CACUL1: variants seen among roughly 807,000 people sequenced by gnomAD.
The protein encoded by CACUL1 is CDK2 associated cullin domain 1, also known as CDK2-associated and cullin domain-containing protein 1.
In CACUL1, 13 loss-of-function variants were observed where a neutral mutation model predicts 45.2. That is an observed-to-expected ratio of 0.29 (90% CI 0.19 to 0.46). CACUL1 has a LOEUF of 0.46. CACUL1 is among the 20% of genes least tolerant of loss of function. The probability of loss-of-function intolerance (pLI) is 1.00; values close to 1 mark genes in which losing one functional copy is unlikely to be tolerated. For synonymous variants in CACUL1, 197 were observed against 174.2 expected (o/e 1.13, Z -1.03); for missense variants, 421 against 471.4 (o/e 0.89, Z 0.99).
intron 5 of CACUL1, among the ~76,000 whole-genome samples, chr10:118,698,654 C>A (rs117045692): frequency 0.018 from 2,790 of 152,272 alleles, 35 homozygotes; most frequent in Non-Finnish European, 0.028. Flanking sequence ...CTACCAGCCA[C>A]GTGAATGAGT....
intron 6 of CACUL1, chr10:118,693,835 G>A (rs1845295359): frequency 2.3e-6 from 1 of 435,564 alleles, no homozygotes; most frequent in Non-Finnish European, 4.6e-6. Context: ...AAAAGTCACA[G>A]AAAGTAAAGC....
chr10:118,709,260 G>A (rs1319546457), intron 3 of CACUL1, among the ~76,000 whole-genome samples: 2 of 152,202 alleles, frequency 1.3e-5, no homozygotes, highest in African/African-American at 2.4e-5. Context: ...GAGAAAATCC[G>A]TGGATAAGTG....
intron 6 of CACUL1, chr10:118,693,793 A>T (rs1225076954): frequency 2.2e-6 from 1 of 453,894 alleles, no homozygotes; most frequent in Non-Finnish European, 4.4e-6. Context: ...ATGCAATAAA[A>T]TCTTTACTAC....
In CACUL1 at chr10:118,676,918, A is replaced by C. The variant is rs1372766181; in HGVS notation, c.*9210T>G. ...CATTAAAGGCAGGTGAGTGAGTTTA[A>C]TAGGGTTTTCGGTTTCATTGCTTGT... is the stretch of plus-strand genomic sequence containing the variant. On this transcript the variant is annotated 3_prime_UTR_variant, in exon 9 of 9. Coordinates refer to ENST00000369151, the MANE Select transcript of CACUL1 (RefSeq NM_153810.5). 1.3e-5 allele frequency: 2 copies of C among 151,854 alleles called. No homozygotes were observed. Among genetic ancestry groups the C allele is most frequent in the African/African-American group, 4.8e-5 (2 of 41,372 alleles). 9.4% of individuals were successfully genotyped at this position (151,854 alleles called of 1,614,324 possible). A position where few individuals can be genotyped will look rare whatever the true frequency, so the allele number is the denominator to read the frequency against.
At chr10:118,740,989 G>A (rs183920362) in intron 1 of CACUL1, among the ~76,000 whole-genome samples, 42 of 151,572 alleles carry the variant, frequency 2.8e-4, no homozygotes, top group African/African-American at 1.0e-3. Context: ...GTATGTTAGA[G>A]GTATAAGAGA....
intron 1 of CACUL1, among the ~76,000 whole-genome samples, chr10:118,741,523 A>C (rs1242426440): frequency 6.6e-6 from 1 of 152,144 alleles, no homozygotes; most frequent in Non-Finnish European, 1.5e-5. Context: ...CGTCTGGGTC[A>C]AAGGCACTGA....
intron 3 of CACUL1, among the ~76,000 whole-genome samples, chr10:118,710,875 G>A (rs1385327517): frequency 6.6e-6 from 1 of 152,092 alleles, no homozygotes; most frequent in Non-Finnish European, 1.5e-5. Context: ...TATGACATTA[G>A]GGAATTCATT....
At chr10:118,747,451 A>G (rs1388531926) in intron 1 of CACUL1, among the ~76,000 whole-genome samples, 1 of 151,762 alleles carries the variant, frequency 6.6e-6, no homozygotes, top group African/African-American at 2.4e-5. Flanking sequence ...GGTTGTTTAC[A>G]GCAGTTGTGT....
rs1471969835 is a variant in CACUL1 at position 118,683,059 on chromosome 10, G to A, written c.*3069C>T. On this transcript the variant is annotated 3_prime_UTR_variant, in exon 9 of 9. Transcript: ENST00000369151. ...CAGTAGTTAATTCCTGTCAGGTTAG[G>A]GTACAGGTGTGACAACAAAAGGTCA... 1.3e-5 allele frequency: 2 copies of A among 152,120 alleles called. No individual in the cohort carries two copies. The highest frequency in any genetic ancestry group is 1.3e-4 in the Admixed American group (2 of 15,274). The allele number at this position is 152,120 out of a possible 1,614,324, so 9.4% of individuals were successfully genotyped here.
chr10:118,745,728 A>G (rs1845837305), intron 1 of CACUL1, among the ~76,000 whole-genome samples: 1 of 152,208 alleles, frequency 6.6e-6, no homozygotes, highest in Non-Finnish European at 1.5e-5. Flanking sequence ...AGATCCAACC[A>G]TATGTTGTCT....
In CACUL1 at chr10:118,686,082, C is replaced by T; in HGVS notation, c.*46G>A. On this transcript the variant is annotated 3_prime_UTR_variant, in exon 9 of 9. Transcript: ENST00000369151. ...TGCTCTGAATACAGTCTCTGCAGCT[C>T]CAGTGTGTCCTCTTTTCAGGAAGGA... 1.4e-6 allele frequency: 2 copies of T among 1,461,342 alleles called. No individual in the cohort carries two copies. The highest frequency in any genetic ancestry group is 4.5e-5 in the East Asian group (2 of 44,136). The allele number at this position is 1,461,342 out of a possible 1,614,324, so 90.5% of individuals were successfully genotyped here. A position where few individuals can be genotyped will look rare whatever the true frequency, so the allele number is the denominator to read the frequency against.
At position 118,691,508 on chromosome 10, in the gene CACUL1, C is replaced by T. The variant is rs532680472; in HGVS notation, c.887-105G>A. On this transcript the variant is annotated intron_variant, in intron 6 of 8. Transcript: ENST00000369151. ...AAATATATAGTAAGCCAAATTTAAG[C>T]AGGGGAAAAAATTAGTGCAATCCCA... The T allele has an allele frequency of 3.0e-4, 306 of 1,032,122 alleles. 2 individuals are homozygous for T. Among genetic ancestry groups the T allele is most frequent in the Non-Finnish European group, 4.0e-4 (277 of 693,694 alleles). 63.9% of individuals were successfully genotyped at this position (1,032,122 alleles called of 1,614,324 possible). A position where few individuals can be genotyped will look rare whatever the true frequency, so the allele number is the denominator to read the frequency against.
At chr10:118,748,197 C>T (rs556394731) in intron 1 of CACUL1, among the ~76,000 whole-genome samples, 5 of 152,334 alleles carry the variant, frequency 3.3e-5, no homozygotes, top group Non-Finnish European at 5.9e-5. Flanking sequence ...GTGGGCCTCA[C>T]GCACTCCGAC....
chr10:118,708,812 C>A (rs1845457501), intron 3 of CACUL1, among the ~76,000 whole-genome samples: 2 of 152,134 alleles, frequency 1.3e-5, no homozygotes, highest in South Asian at 4.1e-4. Flanking sequence ...GAAAGAGGGC[C>A]CTCACCAGGA....
intron 1 of CACUL1, among the ~76,000 whole-genome samples, chr10:118,746,937 T>C (rs1270385941): frequency 1.3e-5 from 2 of 152,200 alleles, no homozygotes; most frequent in African/African-American, 2.4e-5. Context: ...GTCGGTGGCC[T>C]GTAAGGAACC....
At chr10:118,737,574 T>C (rs1317970417) in intron 1 of CACUL1, among the ~76,000 whole-genome samples, 2 of 152,072 alleles carry the variant, frequency 1.3e-5, no homozygotes, top group Admixed American at 1.3e-4. Context: ...CCCAAAACAC[T>C]GTAAAACTTG....
chr10:118,698,350 A>T (rs1845344381), intron 5 of CACUL1, among the ~76,000 whole-genome samples: 1 of 151,686 alleles, frequency 6.6e-6, no homozygotes, highest in Non-Finnish European at 1.5e-5. Flanking sequence ...CACCATGTTG[A>T]CCAGGCTGGT....
At chr10:118,749,550 C>T (rs1845875982) in intron 1 of CACUL1, among the ~76,000 whole-genome samples, 1 of 152,194 alleles carries the variant, frequency 6.6e-6, no homozygotes, top group South Asian at 2.1e-4. Flanking sequence ...TATTCACAGA[C>T]ACAGAAATGC....
At position 118,688,126 on chromosome 10, in the gene CACUL1, G is replaced by A. The variant is rs1390155885; in HGVS notation, c.1026-1485C>T. On this transcript the variant is annotated intron_variant, in intron 7 of 8. Transcript: ENST00000369151. ...AACCTCTTGCTAAGCTAGGTAAGGA[G>A]CCTCAACTGACCGGCAGAAAGAGTA... is the stretch of plus-strand genomic sequence containing the variant. Among the ~76,000 whole-genome samples the A allele has an allele frequency of 6.6e-5, 10 of 152,214 alleles. 2 individuals carry two copies.
Sources: allele counts gnomAD v4.1 joint callset (sites outside exome capture counted in the v4.1 genomes callset), GRCh38; gene constraint gnomAD v4.1.1; transcripts MANE v1.5; gene names NCBI Gene and HGNC (gene_info 2026-07-23, HGNC 2026-07-21).